The following SAMD5 variants were observed in gnomAD, a reference collection of about 807,000 sequenced individuals.
The protein encoded by SAMD5 is sterile alpha motif domain containing 5.
Under a neutral mutation model 11.3 loss-of-function variants are expected in SAMD5, and 13 were observed. That is an observed-to-expected ratio of 1.15 (90% CI 0.75 to 1.83). The LOEUF is 1.83. Ranked by LOEUF, SAMD5 falls within the 40% of genes most tolerant of loss-of-function variation. SAMD5 has a pLI of 0.00. For synonymous variants in SAMD5, 129 were observed against 111.3 expected (o/e 1.16, Z -1.00); for missense variants, 255 against 239.1 (o/e 1.07, Z -0.44).
the SAMD5 span, among the ~76,000 whole-genome samples, chr6:147,844,393 G>C: frequency 6.6e-6 from 1 of 152,102 alleles, no homozygotes; most frequent in African/African-American, 2.4e-5. Flanking sequence ...CTGTTTAGTG[G>C]CATTGTAAAT....
the SAMD5 span, chr6:147,743,408 CAGG>C: frequency 1.3e-5 from 2 of 152,062 alleles, no homozygotes; most frequent in African/African-American, 4.8e-5. Flanking sequence ...GGAGCTGAGG[CAGG>C]AGAATGGCGT....
chr6:147,700,942 A>G (rs924431993), intron 1 of SAMD5, among the ~76,000 whole-genome samples: 2 of 152,236 alleles, frequency 1.3e-5, no homozygotes, highest in Admixed American at 6.5e-5. Context: ...AAGATAAATC[A>G]TGGGAGAAGC....
At chr6:147,940,918 C>T in the SAMD5 span, among the ~76,000 whole-genome samples, 7 of 152,032 alleles carry the variant, frequency 4.6e-5, no homozygotes, top group Admixed American at 2.0e-4. Context: ...GCCGAGATTG[C>T]GCCATTGCAC....
At chr6:147,817,072 C>G in the SAMD5 span, among the ~76,000 whole-genome samples, 1 of 151,002 alleles carries the variant, frequency 6.6e-6, no homozygotes, top group South Asian at 2.1e-4. Context: ...GTTCTGAAAG[C>G]CTTTGCTCTG....
the SAMD5 span, among the ~76,000 whole-genome samples, chr6:147,778,417 T>C: frequency 6.6e-6 from 1 of 152,126 alleles, no homozygotes; most frequent in Non-Finnish European, 1.5e-5. Context: ...ACCTCAACCT[T>C]AAAATGTCCA....
chr6:147,606,453 C>T (rs1253870233), intron 1 of SAMD5, among the ~76,000 whole-genome samples: 3 of 151,720 alleles, frequency 2.0e-5, no homozygotes, highest in East Asian at 1.9e-4. Flanking sequence ...TGATGGCCCA[C>T]GGTAAGTCCT....
chr6:147,797,102 C>A, the SAMD5 span, among the ~76,000 whole-genome samples: 47,330 of 72,940 alleles, frequency 0.65, 16,618 homozygotes, highest in African/African-American at 0.83. Flanking sequence ...TTCCAACACT[C>A]TGTTGAATAG....
At chr6:147,867,411 C>A in the SAMD5 span, among the ~76,000 whole-genome samples, 1 of 151,046 alleles carries the variant, frequency 6.6e-6, no homozygotes, top group South Asian at 2.1e-4. Flanking sequence ...CCTGTGAAAC[C>A]TTGGTGGAAA....
intron 1 of SAMD5, among the ~76,000 whole-genome samples, chr6:147,615,550 A>G (rs1218680079): frequency 2.0e-5 from 3 of 152,190 alleles, no homozygotes; most frequent in South Asian, 2.1e-4. Flanking sequence ...AAAAATTAAG[A>G]TATTACTTAT....
intron 1 of SAMD5, among the ~76,000 whole-genome samples, chr6:147,549,758 C>T (rs1473343382): frequency 1.3e-5 from 2 of 151,788 alleles, no homozygotes; most frequent in African/African-American, 4.8e-5. Flanking sequence ...TTGAATTGAA[C>T]CAACTTGAAC....
At chr6:147,587,875 A>G (rs1789398349) in intron 1 of SAMD5, among the ~76,000 whole-genome samples, 1 of 152,140 alleles carries the variant, frequency 6.6e-6, no homozygotes, top group South Asian at 2.1e-4. Context: ...GTCTAAGTTT[A>G]TAATAACAAA....
At chr6:147,903,086 T>C in the SAMD5 span, among the ~76,000 whole-genome samples, 1 of 152,340 alleles carries the variant, frequency 6.6e-6, no homozygotes, top group Non-Finnish European at 1.5e-5. Context: ...ATTTCCTCTA[T>C]GAGGTCAGGC....
intron 1 of SAMD5, among the ~76,000 whole-genome samples, chr6:147,724,752 A>G (rs377402422): frequency 1.3e-5 from 2 of 152,140 alleles, no homozygotes; most frequent in Admixed American, 6.5e-5. Context: ...AAAAAAATCA[A>G]TTTTCATCTT....
chr6:147,837,332 C>T, the SAMD5 span, among the ~76,000 whole-genome samples: 4 of 152,104 alleles, frequency 2.6e-5, no homozygotes, highest in East Asian at 7.7e-4. Context: ...CACGAAAGTC[C>T]CATTCTCCTT....
At chr6:147,542,406 A>C (rs998819010) in intron 1 of SAMD5, among the ~76,000 whole-genome samples, 1 of 152,202 alleles carries the variant, frequency 6.6e-6, no homozygotes, top group African/African-American at 2.4e-5. Context: ...GGGAATTGCA[A>C]TGGAGAAAGA....
chr6:147,625,612 T>A (rs1790039043), intron 1 of SAMD5, among the ~76,000 whole-genome samples: 1 of 152,156 alleles, frequency 6.6e-6, no homozygotes, highest in South Asian at 2.1e-4. Flanking sequence ...CCACCCTTAA[T>A]ACCTGCAGCC....
intron 1 of SAMD5, among the ~76,000 whole-genome samples, chr6:147,614,774 C>G (rs1562333904): frequency 6.6e-6 from 1 of 151,888 alleles, no homozygotes; most frequent in Non-Finnish European, 1.5e-5. Flanking sequence ...TACATACATA[C>G]TTTAAAATTC....
the SAMD5 span, among the ~76,000 whole-genome samples, chr6:147,805,577 G>GCAATAATTCAATAAATT: frequency 6.6e-6 from 1 of 152,184 alleles, no homozygotes; most frequent in African/African-American, 2.4e-5. Context: ...TTTCAAGCTA[G>GCAATAATTCAATAAATT]CAAGGATTTA....
At chr6:147,540,332 CAGA>C (rs1158873990) in intron 1 of SAMD5, among the ~76,000 whole-genome samples, 1 of 152,172 alleles carries the variant, frequency 6.6e-6, no homozygotes, top group African/African-American at 2.4e-5. Flanking sequence ...TTGCTCCTCC[CAGA>C]AGGAGCCTAG....
Sources: allele counts gnomAD v4.1 joint callset (sites outside exome capture counted in the v4.1 genomes callset), GRCh38; gene constraint gnomAD v4.1.1; transcripts MANE v1.5; gene names NCBI Gene and HGNC (gene_info 2026-07-23, HGNC 2026-07-21).